The following BMAL1 variants were observed in gnomAD, a reference collection of about 807,000 sequenced individuals.
BMAL1 encodes the protein basic helix-loop-helix ARNT like 1.
chr11:13,340,668 A>G, the BMAL1 span, among the ~76,000 whole-genome samples: 845 of 152,086 alleles, frequency 5.6e-3, 8 homozygotes, highest in African/African-American at 0.019. Context: ...CCAGGGGTCA[A>G]TGTCCTGGAT....
chr11:13,306,352 G>A, the BMAL1 span, among the ~76,000 whole-genome samples: 2,213 of 152,278 alleles, frequency 0.015, 38 homozygotes, highest in Middle Eastern at 0.037. Flanking sequence ...CAGTAGAACT[G>A]CAGCAGAAAG....
the BMAL1 span, among the ~76,000 whole-genome samples, chr11:13,289,303 T>C: frequency 1.3e-5 from 2 of 152,154 alleles, no homozygotes; most frequent in Admixed American, 6.5e-5. Context: ...CTCCAGGGCA[T>C]GTTTAGGGAA....
chr11:13,314,755 G>A, the BMAL1 span, among the ~76,000 whole-genome samples: 1 of 152,142 alleles, frequency 6.6e-6, no homozygotes, highest in South Asian at 2.1e-4. Context: ...TAATCCAGCT[G>A]AGAATGCTTT....
chr11:13,314,276 GTC>G, the BMAL1 span, among the ~76,000 whole-genome samples: 1 of 109,760 alleles, frequency 9.1e-6, no homozygotes, highest in Non-Finnish European at 2.0e-5. Flanking sequence ...CACACACTCT[GTC>G]TCTCTCTCTC....
At chr11:13,336,486 G>C in the BMAL1 span, among the ~76,000 whole-genome samples, 1 of 152,132 alleles carries the variant, frequency 6.6e-6, no homozygotes, top group South Asian at 2.1e-4. Context: ...GAGGCTTCTC[G>C]TGGGGGCAAC....
chr11:13,280,756 T>G, the BMAL1 span, among the ~76,000 whole-genome samples: 6 of 152,198 alleles, frequency 3.9e-5, no homozygotes, highest in African/African-American at 1.4e-4. Flanking sequence ...TTCTTCTCCC[T>G]CTCATGAAAT....
the BMAL1 span, among the ~76,000 whole-genome samples, chr11:13,346,020 C>A: frequency 6.6e-6 from 1 of 152,142 alleles, no homozygotes; most frequent in African/African-American, 2.4e-5. Flanking sequence ...ATGGATGAGT[C>A]GGTCACCCTG....
the BMAL1 span, among the ~76,000 whole-genome samples, chr11:13,367,739 CAAGG>C: frequency 6.7e-6 from 1 of 148,216 alleles, no homozygotes; most frequent in Admixed American, 6.8e-5. Context: ...AATGAGAACA[CAAGG>C]GAGATTACTG....
chr11:13,333,697 G>T, the BMAL1 span, among the ~76,000 whole-genome samples: 1 of 152,194 alleles, frequency 6.6e-6, no homozygotes, highest in Non-Finnish European at 1.5e-5. Context: ...GGACATCTCC[G>T]CACCAGGCAT....
chr11:13,334,528 G>GTTT, the BMAL1 span, among the ~76,000 whole-genome samples: 14 of 145,594 alleles, frequency 9.6e-5, no homozygotes, highest in African/African-American at 2.3e-4. Context: ...GGCTCTTGAT[G>GTTT]TTTTTTTTTT....
the BMAL1 span, chr11:13,354,206 C>CCCCCCCCAAACCCCCA: frequency 1.1e-6 from 1 of 880,512 alleles, no homozygotes. Context: ...CCCGGCCCCC[C>CCCCCCCCAAACCCCCA]ACCACCAAAC....
At chr11:13,359,049 AT>A in the BMAL1 span, among the ~76,000 whole-genome samples, 1 of 152,214 alleles carries the variant, frequency 6.6e-6, no homozygotes, top group Non-Finnish European at 1.5e-5. Flanking sequence ...TTCTCGCGAC[AT>A]TTTGTTGTCA....
At chr11:13,333,697 G>A in the BMAL1 span, among the ~76,000 whole-genome samples, 2 of 152,194 alleles carry the variant, frequency 1.3e-5, no homozygotes, top group Admixed American at 6.5e-5. Context: ...GGACATCTCC[G>A]CACCAGGCAT....
the BMAL1 span, among the ~76,000 whole-genome samples, chr11:13,350,375 C>G: frequency 6.6e-6 from 1 of 152,096 alleles, no homozygotes; most frequent in Non-Finnish European, 1.5e-5. Context: ...TGTCACCCAC[C>G]CAACAGGGTC....
chr11:13,367,763 C>T, the BMAL1 span, among the ~76,000 whole-genome samples: 10 of 151,408 alleles, frequency 6.6e-5, no homozygotes, highest in South Asian at 2.1e-4. Context: ...GGGCTCATTC[C>T]GGCTCCACCA....
the BMAL1 span, among the ~76,000 whole-genome samples, chr11:13,302,139 C>T: frequency 6.6e-6 from 1 of 151,996 alleles, no homozygotes; most frequent in African/African-American, 2.4e-5. Flanking sequence ...TGGTGAGAGC[C>T]GTGAAGGGCC....
At chr11:13,312,318 T>C in the BMAL1 span, among the ~76,000 whole-genome samples, 2 of 152,224 alleles carry the variant, frequency 1.3e-5, no homozygotes, top group South Asian at 2.1e-4. Flanking sequence ...AATCCCTGGC[T>C]TATGCTGCTT....
the BMAL1 span, among the ~76,000 whole-genome samples, chr11:13,293,874 C>A: frequency 6.6e-6 from 1 of 152,194 alleles, no homozygotes; most frequent in East Asian, 1.9e-4. Flanking sequence ...GAAGATGAAA[C>A]CTTCCCAAGG....
chr11:13,356,216 C>CT, the BMAL1 span: 1 of 453,472 alleles, frequency 2.2e-6, no homozygotes, highest in Non-Finnish European at 4.4e-6. Context: ...GCAGTAGTGC[C>CT]TTTGAAAAGC....
Sources: gnomAD v4.1 joint callset for allele counts (sites outside exome capture counted in the v4.1 genomes callset) on GRCh38, gnomAD v4.1.1 for gene constraint, MANE v1.5 for transcripts, NCBI Gene and HGNC (gene_info 2026-07-23, HGNC 2026-07-21) for gene names.